The following PTPN12 variants were observed in gnomAD, a reference collection of about 807,000 sequenced individuals.
PTPN12 encodes the protein protein tyrosine phosphatase non-receptor type 12.
PTPN12 carries 29 observed loss-of-function variants against 97.6 expected under a neutral mutation model. The ratio of observed to expected loss-of-function variants is 0.30; its 90% CI spans 0.22 to 0.41. The LOEUF (loss-of-function observed/expected upper bound fraction) is 0.41, where lower values mean the gene tolerates loss of function less well. PTPN12 is among the 10% of genes least tolerant of loss of function. The pLI, the probability that PTPN12 is intolerant of heterozygous loss-of-function variation, is 1.00. For synonymous variants in PTPN12, 327 were observed against 300.4 expected, an observed-to-expected ratio of 1.09 and a Z score of -0.91; for missense variants, 819 against 926.0, an observed-to-expected ratio of 0.88 and a Z score of 1.50.
At chr7:77,563,812 G>T (rs994364500) in intron 1 of PTPN12, 45 of 227,992 alleles carry the variant, frequency 2.0e-4, no homozygotes, top group Non-Finnish European at 3.8e-4. Context: ...ATTTTGATAG[G>T]CAGAGTTGCA....
chr7:77,627,115 A>T lies in PTPN12; in HGVS notation c.1436A>T (p.Gln479Leu). Residue 479 changes from glutamine (Q) to leucine (L), a missense_variant, in exon 13 of 18, where the codon CAG becomes CTG. Gln to Leu is a moderately radical substitution (Grantham distance 113). Transcript: ENST00000248594. ...PCIADKISKP[Q>L]ELSSDLNVGD... ...ATAGCTGATAAAATCTCTAAGCCAC[A>T]GGAATTAAGTTCAGATCTAAATGTC... 1 of 1,614,174 alleles carries T rather than the reference A, an allele frequency of 6.2e-7. No homozygotes were observed. Among genetic ancestry groups the T allele is most frequent in the Non-Finnish European group, 8.5e-7 (1 of 1,179,990 alleles).
intron 7 of PTPN12, among the ~76,000 whole-genome samples, chr7:77,598,869 TAAAA>T (rs907450775): frequency 2.6e-4 from 39 of 150,758 alleles, no homozygotes; most frequent in African/African-American, 9.2e-4. Context: ...TTTTTGTAAG[TAAAA>T]AAAGTAACAG....
At chr7:77,599,243 A>G (rs934558353) in intron 7 of PTPN12, among the ~76,000 whole-genome samples, 2 of 151,914 alleles carry the variant, frequency 1.3e-5, no homozygotes, top group African/African-American at 2.4e-5. Flanking sequence ...TTTGTTAAAG[A>G]AAAGTCACTA....
At position 77,582,084 on chromosome 7, in the gene PTPN12, C is replaced by CTTTTTTTTTTTTTTTTT. The variant is rs11341609; in HGVS notation, c.285+593_285+609dup. 1.2e-3 allele frequency among the ~76,000 whole-genome samples: 61 copies of CTTTTTTTTTTTTTTTTT among 52,872 alleles called. 11 individuals carry two copies. Among genetic ancestry groups the CTTTTTTTTTTTTTTTTT allele is most frequent in the Non-Finnish European group, 1.4e-3 (41 of 30,314 alleles). The allele number at this position is 52,872 out of a possible 152,430, so 34.7% of individuals were successfully genotyped here. ...CCCTTTGATGAAAAGCAGTCAAGTT[C>CTTTTTTTTTTTTTTTTT]TTTTTTTTTTTTTTTTTTTTTTTTT... On this transcript the variant is annotated intron_variant, in intron 3 of 17. Transcript: ENST00000248594.
At chr7:77,607,442 G>C (rs1019447258) in intron 9 of PTPN12, 141 bp downstream of exon 9, 1 of 639,918 alleles carries the variant, frequency 1.6e-6, no homozygotes, top group Non-Finnish European at 2.5e-6. Context: ...AAGAAATAAA[G>C]GTAGTGAAGG....
chr7:77,596,798 C>G (rs932744768), intron 6 of PTPN12, among the ~76,000 whole-genome samples: 1 of 152,178 alleles, frequency 6.6e-6, no homozygotes, highest in African/African-American at 2.4e-5. Flanking sequence ...ACCCTGTCCC[C>G]ACACATGTAG....
intron 5 of PTPN12, among the ~76,000 whole-genome samples, chr7:77,588,476 A>C (rs556538458): frequency 6.6e-6 from 1 of 152,226 alleles, no homozygotes; most frequent in African/African-American, 2.4e-5. Flanking sequence ...AGTAACTTCA[A>C]ACATCACTGA....
rs1787513223 is a variant in PTPN12, at chr7:77,581,438, C to T, written c.220C>T (p.Arg74Ter). Residue 74 changes from arginine to a stop codon, truncating the protein, a stop_gained, in exon 3 of 18, where the codon CGA becomes TGA. Transcript: ENST00000248594. LOFTEE classifies it high-confidence loss of function. ...YKDILPFDHS[R>*]VKLTLKTPSQ... Reference sequence around the variant, plus strand: ...TTTTTTTCTCGTAGTTGATCACAGCCGAGTTAAATTGACATTAAAGACTCC... The same window carrying T: ...TTTTTTTCTCGTAGTTGATCACAGCTGAGTTAAATTGACATTAAAGACTCC... The T allele has an allele frequency of 1.2e-6, 2 of 1,605,548 alleles. No individual in the cohort carries two copies. The highest frequency in any genetic ancestry group is 1.7e-6 in the Non-Finnish European group (2 of 1,174,964).
chr7:77,620,838 C>T (rs1788908623), intron 12 of PTPN12, among the ~76,000 whole-genome samples: 2 of 152,156 alleles, frequency 1.3e-5, no homozygotes, highest in Non-Finnish European at 1.5e-5. Flanking sequence ...GTTCCAGCTA[C>T]TTGGGAGACT....
chr7:77,625,468 G>GCGCGCTCTCT (rs1218191468), intron 12 of PTPN12, among the ~76,000 whole-genome samples: 3 of 24,752 alleles, frequency 1.2e-4, no homozygotes, highest in Admixed American at 1.2e-3. Context: ...TGCCCAGGCT[G>GCGCGCTCTCT]CTCGCTCTCT....
At chr7:77,589,218 A>G (rs920084545) in intron 5 of PTPN12, among the ~76,000 whole-genome samples, 1 of 152,116 alleles carries the variant, frequency 6.6e-6, no homozygotes, top group African/African-American at 2.4e-5. Context: ...TGTTAATACC[A>G]CAGTATGTTT....
rs1788550875 is a variant in PTPN12 at position 77,611,009 on chromosome 7, A to G, written c.902A>G (p.Tyr301Cys). The G allele has an allele frequency of 1.2e-6, 2 of 1,613,414 alleles. No homozygotes were observed. Among genetic ancestry groups the G allele is most frequent in the Non-Finnish European group, 1.7e-6 (2 of 1,179,654 alleles). ...CTGTTTGAAAAACAGCTACAACTAT[A>G]TGAAATTCATGGAGCTCAGAAAATT... Reference protein sequence around the residue: ...AQLFEKQLQLYEIHGAQKIAD... With the variant: ...AQLFEKQLQLCEIHGAQKIAD... Residue 301 changes from tyrosine to cysteine, a missense_variant, in exon 11 of 18, where the codon TAT becomes TGT. Physicochemically the swap from Tyr to Cys is radical, Grantham distance 194. Around this residue, in one of 5 missense-constraint regions of PTPN12, gnomAD observed 607 missense variants for 577.3 expected, o/e 1.05. Coordinates refer to ENST00000248594, the MANE Select transcript of PTPN12 (RefSeq NM_002835.4).
At chr7:77,559,931 A>T (rs987423132) in intron 1 of PTPN12, among the ~76,000 whole-genome samples, 1 of 152,198 alleles carries the variant, frequency 6.6e-6, no homozygotes, top group Non-Finnish European at 1.5e-5. Context: ...AACATGATGG[A>T]TATTAAAGGC....
Position 77,584,794 on chromosome 7 carries a change from G to T in PTPN12, c.382-749G>T, listed in dbSNP as rs192803763. 5.5e-3 allele frequency among the ~76,000 whole-genome samples: 837 copies of T among 151,832 alleles called. 4 individuals are homozygous for T. Among genetic ancestry groups the T allele is most frequent in the Non-Finnish European group, 6.7e-3 (456 of 67,958 alleles). ...CAGCAGGCTAAGGCAGGAGAATGGC[G>T]TGAACCCGGGAGGCAGCGCTTGCAG... On this transcript the variant is annotated intron_variant, in intron 4 of 17. Transcript: ENST00000248594.
chr7:77,545,995 C>T (rs1225490738), intron 1 of PTPN12, among the ~76,000 whole-genome samples: 1 of 152,088 alleles, frequency 6.6e-6, no homozygotes, highest in Admixed American at 6.5e-5. Context: ...GCAGTGGCAC[C>T]ATCTCAGCTC....
At chr7:77,546,097 A>C (rs1298756717) in intron 1 of PTPN12, among the ~76,000 whole-genome samples, 1 of 152,062 alleles carries the variant, frequency 6.6e-6, no homozygotes, top group Non-Finnish European at 1.5e-5. Context: ...ACACACAGCT[A>C]CTTTTTTTAT....
chr7:77,596,282 A>C (rs17155372), intron 6 of PTPN12, among the ~76,000 whole-genome samples: 2,906 of 152,008 alleles, frequency 0.019, 84 homozygotes, highest in African/African-American at 0.065. Flanking sequence ...CAAGTTTCTT[A>C]GTTTAGTAGG....
chr7:77,625,475 C>CGCGCG, intron 12 of PTPN12, among the ~76,000 whole-genome samples: 1 of 20,818 alleles, frequency 4.8e-5, no homozygotes, highest in Non-Finnish European at 8.9e-5. Context: ...GCTGCTCGCT[C>CGCGCG]TCTCTCTCTC....
chr7:77,553,470 A>G (rs752564822), intron 1 of PTPN12, among the ~76,000 whole-genome samples: 5 of 152,204 alleles, frequency 3.3e-5, no homozygotes, highest in Admixed American at 6.5e-5. Context: ...TTTATGCACA[A>G]TTGTTAGACA....
Sources: gnomAD v4.1 joint callset for allele counts (sites outside exome capture counted in the v4.1 genomes callset) on GRCh38, gnomAD v4.1.1 for gene constraint, gnomAD v4.1.1 regional missense constraint, MANE v1.5 for transcripts, NCBI Gene and HGNC (gene_info 2026-07-23, HGNC 2026-07-21) for gene names.